The following ERC2 variants were observed in gnomAD, a reference collection of about 807,000 sequenced individuals.
The protein encoded by ERC2 is ERC protein 2.
A neutral mutation model predicts 114.8 loss-of-function variants in ERC2; 42 were observed. The ratio of observed to expected loss-of-function variants is 0.37; its 90% CI spans 0.29 to 0.47. The LOEUF is 0.47. Among genes scored for constraint, ERC2 ranks in the 20% least tolerant of loss-of-function variants. The pLI is 0.99. For synonymous variants in ERC2, 454 were observed against 425.5 expected (o/e 1.07, Z -0.82); for missense variants, 939 against 1,150.7 (o/e 0.82, Z 2.66).
chr3:56,120,252 C>T (rs551967162), intron 6 of ERC2, among the ~76,000 whole-genome samples: 99 of 152,136 alleles, frequency 6.5e-4, no homozygotes, highest in Non-Finnish European at 1.2e-3. Flanking sequence ...TTCGATTGGG[C>T]GCCGGCTCTC....
At chr3:56,136,014 C>A (rs1439963435) in intron 6 of ERC2, among the ~76,000 whole-genome samples, 3 of 152,158 alleles carry the variant, frequency 2.0e-5, no homozygotes, top group African/African-American at 7.2e-5. Context: ...TGTGGTGTAT[C>A]TCTCTGTGTA....
intron 6 of ERC2, among the ~76,000 whole-genome samples, chr3:56,109,957 T>C (rs2078872599): frequency 1.3e-5 from 2 of 152,070 alleles, no homozygotes; most frequent in Non-Finnish European, 2.9e-5. Context: ...AAAACCAAAA[T>C]TTAGAAGACA....
chr3:56,152,384 AAACTTGC>A (rs1386584485), intron 4 of ERC2, among the ~76,000 whole-genome samples: 1 of 146,472 alleles, frequency 6.8e-6, no homozygotes, highest in Non-Finnish European at 1.5e-5. Context: ...CTTCAAGGGA[AAACTTGC>A]CACAATCATC....
intron 17 of ERC2, among the ~76,000 whole-genome samples, chr3:55,612,387 C>T (rs535936843): frequency 6.6e-6 from 1 of 152,194 alleles, no homozygotes; most frequent in Non-Finnish European, 1.5e-5. Context: ...CAACTGAAGA[C>T]TTCCCAAAAC....
chr3:56,154,436 C>G (rs1021224783), intron 4 of ERC2, among the ~76,000 whole-genome samples: 1 of 152,056 alleles, frequency 6.6e-6, no homozygotes, highest in Non-Finnish European at 1.5e-5. Flanking sequence ...TGTTTCTTTT[C>G]CTGGTCTTAT....
At chr3:56,393,409 A>G (rs1032926480) in intron 2 of ERC2, among the ~76,000 whole-genome samples, 9 of 152,204 alleles carry the variant, frequency 5.9e-5, no homozygotes, top group African/African-American at 2.2e-4. Flanking sequence ...AAAATAAAAT[A>G]AAATGAAATG....
intron 16 of ERC2, among the ~76,000 whole-genome samples, chr3:55,691,652 G>A (rs911581941): frequency 7.0e-6 from 1 of 141,896 alleles, no homozygotes; most frequent in African/African-American, 2.7e-5. Flanking sequence ...GTTGGAAACT[G>A]ATATTAAAAG....
intron 16 of ERC2, 150 bp from the exon 17 acceptor site, chr3:55,684,009 A>T: frequency 1.2e-6 from 1 of 849,296 alleles, no homozygotes; most frequent in East Asian, 2.9e-5. Context: ...AAAAATCCAT[A>T]GTAACTTAAA....
intron 14 of ERC2, among the ~76,000 whole-genome samples, chr3:55,784,376 A>C (rs952964349): frequency 6.6e-6 from 1 of 152,234 alleles, no homozygotes; most frequent in African/African-American, 2.4e-5. Flanking sequence ...GAGAGCTTCA[A>C]GAGAGTTTCT....
At chr3:55,770,461 C>T (rs1267294285) in intron 14 of ERC2, among the ~76,000 whole-genome samples, 9 of 152,208 alleles carry the variant, frequency 5.9e-5, no homozygotes, top group African/African-American at 1.4e-4. Context: ...TGTATTCCTG[C>T]ATGACAGAAA....
intron 2 of ERC2, among the ~76,000 whole-genome samples, chr3:56,302,133 A>G (rs1363487892): frequency 1.3e-5 from 2 of 152,212 alleles, no homozygotes; most frequent in African/African-American, 4.8e-5. Flanking sequence ...AATTGTATCC[A>G]CACAGATGAA....
intron 16 of ERC2, among the ~76,000 whole-genome samples, chr3:55,696,383 G>T (rs1194861763): frequency 6.6e-6 from 1 of 152,216 alleles, no homozygotes; most frequent in East Asian, 1.9e-4. Context: ...AGGGCTGGAA[G>T]ATTCACAGAA....
intron 3 of ERC2, among the ~76,000 whole-genome samples, chr3:56,237,982 T>C (rs1283906098): frequency 1.3e-5 from 2 of 152,060 alleles, no homozygotes; most frequent in Non-Finnish European, 2.9e-5. Flanking sequence ...GAAGATATTG[T>C]CACATCTGCA....
intron 17 of ERC2, among the ~76,000 whole-genome samples, chr3:55,672,905 C>A (rs571261027): frequency 6.6e-6 from 1 of 152,242 alleles, no homozygotes; most frequent in Admixed American, 6.5e-5. Context: ...AAAAATGGCT[C>A]AACAGTCCGG....
At position 56,464,352 on chromosome 3, in the gene ERC2, C is replaced by T. The variant is rs539782958; in HGVS notation, c.-141+3896G>A. 4.6e-5 allele frequency among the ~76,000 whole-genome samples: 7 copies of T among 152,340 alleles called. No individual in the cohort carries two copies. In the South Asian group the frequency reaches 1.4e-3, roughly 32 times the overall value. ...AGAAAAGCATGCCCCAGGTAGCTGC[C>T]ATCCCTTCAGCCTGGGCCCCAGGAC... On this transcript the variant is annotated intron_variant, in intron 1 of 17. Coordinates refer to ENST00000288221, the MANE Select transcript of ERC2 (RefSeq NM_015576.3).
At chr3:56,453,813 A>T (rs2062933405) in intron 1 of ERC2, among the ~76,000 whole-genome samples, 1 of 152,202 alleles carries the variant, frequency 6.6e-6, no homozygotes. Flanking sequence ...AGCCGAAAGG[A>T]GGATAAATCC....
At chr3:55,799,413 TATATATATGC>T (rs1215930161) in intron 14 of ERC2, among the ~76,000 whole-genome samples, 12 of 110,734 alleles carry the variant, frequency 1.1e-4, no homozygotes, top group Middle Eastern at 4.5e-3. Flanking sequence ...ATATATGCCT[TATATATATGC>T]ATATATATAT....
At chr3:55,682,476 C>G (rs1030396319) in intron 17 of ERC2, among the ~76,000 whole-genome samples, 7 of 152,232 alleles carry the variant, frequency 4.6e-5, no homozygotes, top group Admixed American at 3.3e-4. Flanking sequence ...GAACTGCCCC[C>G]TCAGTACCAA....
intron 17 of ERC2, among the ~76,000 whole-genome samples, chr3:55,542,167 A>G (rs2054440402): frequency 6.6e-6 from 1 of 152,194 alleles, no homozygotes; most frequent in African/African-American, 2.4e-5. Context: ...TCTTTTCCCT[A>G]TATCCTACAG....
Sources: gnomAD v4.1 joint callset for allele counts (sites outside exome capture counted in the v4.1 genomes callset) on GRCh38, gnomAD v4.1.1 for gene constraint, MANE v1.5 for transcripts, NCBI Gene and HGNC (gene_info 2026-07-23, HGNC 2026-07-21) for gene names.